PTPN4: variants seen among roughly 807,000 people sequenced by gnomAD.
The protein encoded by PTPN4 is protein tyrosine phosphatase non-receptor type 4, also known as tyrosine-protein phosphatase non-receptor type 4.
In PTPN4, 49 loss-of-function variants were observed where a neutral mutation model predicts 135.5. That is an observed-to-expected ratio of 0.36 (90% CI 0.29 to 0.46). PTPN4 has a LOEUF of 0.46. Among genes scored for constraint, PTPN4 ranks in the 20% least tolerant of loss-of-function variants. The pLI is 1.00. For synonymous variants in PTPN4, 333 were observed against 369.9 expected, an observed-to-expected ratio of 0.90 and a Z score of 1.14; for missense variants, 860 against 1,101.0, an observed-to-expected ratio of 0.78 and a Z score of 3.10.
intron 1 of PTPN4, among the ~76,000 whole-genome samples, chr2:119,789,304 AT>A (rs1691098796): frequency 6.6e-6 from 1 of 152,036 alleles, no homozygotes; most frequent in Non-Finnish European, 1.5e-5. Flanking sequence ...TATAGAAGTT[AT>A]TTATATATTC....
At chr2:119,803,820 A>T (rs188643370) in intron 1 of PTPN4, among the ~76,000 whole-genome samples, 21 of 145,858 alleles carry the variant, frequency 1.4e-4, no homozygotes, top group Admixed American at 1.3e-3. Context: ...GTATTTTTGC[A>T]GCTCTGTTGG....
At position 119,885,672 on chromosome 2, in the gene PTPN4, A is replaced by G. The variant is rs979110840; in HGVS notation, c.588-123A>G. ...AGATAAGTTAGAGGAGTAGTCCTGC[A>G]TGGTGTTTCATAGATTTAATTAGAC... On this transcript the variant is annotated intron_variant, in intron 8 of 26. Coordinates refer to ENST00000263708, the MANE Select transcript of PTPN4 (RefSeq NM_002830.4). 1.3e-4 allele frequency: 78 copies of G among 594,772 alleles called. No homozygotes were observed. The African/African-American group carries it at 1.4e-3, about 11-fold the overall frequency. 36.8% of individuals were successfully genotyped at this position (594,772 alleles called of 1,614,324 possible). A position where few individuals can be genotyped will look rare whatever the true frequency, so the allele number is the denominator to read the frequency against.
chr2:119,849,592 C>T lies in PTPN4; in HGVS notation c.139-12944C>T, dbSNP rs147231747. On this transcript the variant is annotated intron_variant, in intron 2 of 26. Transcript: ENST00000263708. The stretch of plus-strand genomic sequence containing the variant: ...TGTTGGGATTAGAGGTGTGAGCCAC[C>T]GCATCCAAGCAAACCGGACATTTTA... Among the ~76,000 whole-genome samples the T allele has an allele frequency of 6.2e-4, 95 of 152,276 alleles. 1 individual carries two copies. The highest frequency in any genetic ancestry group is 2.0e-3 in the African/African-American group (84 of 41,544).
chr2:119,875,517 C>T (rs1677971588), intron 3 of PTPN4, among the ~76,000 whole-genome samples: 1 of 151,838 alleles, frequency 6.6e-6, no homozygotes, highest in African/African-American at 2.4e-5. Flanking sequence ...ATATGAAGAA[C>T]AAAAATCACT....
intron 19 of PTPN4, 119 bp downstream of exon 19, chr2:119,952,248 A>G (rs1679221292): frequency 1.1e-6 from 1 of 921,662 alleles, no homozygotes; most frequent in Non-Finnish European, 1.6e-6. Context: ...CTCAAAGCAC[A>G]GTGGCTTTCA....
intron 15 of PTPN4, among the ~76,000 whole-genome samples, chr2:119,937,608 T>C (rs1679001707): frequency 6.6e-6 from 1 of 152,190 alleles, no homozygotes; most frequent in African/African-American, 2.4e-5. Context: ...TATAAGAAAA[T>C]TTAAAGCTCA....
chr2:119,975,322 C>T (rs1025575527), intron 26 of PTPN4, among the ~76,000 whole-genome samples: 4 of 152,130 alleles, frequency 2.6e-5, no homozygotes, highest in Non-Finnish European at 5.9e-5. Flanking sequence ...TGCTGTGTTG[C>T]CCATGCTGGT....
intron 1 of PTPN4, among the ~76,000 whole-genome samples, chr2:119,798,995 A>G (rs1486642388): frequency 1.3e-5 from 2 of 152,066 alleles, no homozygotes; most frequent in East Asian, 3.9e-4. Flanking sequence ...TTTGATGGCT[A>G]CTCCTCGGCT....
chr2:119,774,127 T>C (rs1202207467), intron 1 of PTPN4, among the ~76,000 whole-genome samples: 1 of 152,230 alleles, frequency 6.6e-6, no homozygotes, highest in Non-Finnish European at 1.5e-5. Flanking sequence ...AGTGATCTTT[T>C]GTGGTTCTTG....
At chr2:119,972,092 T>C (rs1013015009) in intron 26 of PTPN4, among the ~76,000 whole-genome samples, 15 of 152,220 alleles carry the variant, frequency 9.9e-5, no homozygotes, top group Admixed American at 4.6e-4. Flanking sequence ...GTAACTCTTT[T>C]TCATTTTCCA....
intron 10 of PTPN4, among the ~76,000 whole-genome samples, chr2:119,906,298 G>C (rs928022054): frequency 6.6e-6 from 1 of 152,078 alleles, no homozygotes; most frequent in Non-Finnish European, 1.5e-5. Flanking sequence ...GTGCTCAGGA[G>C]TTCATCCTGA....
intron 1 of PTPN4, among the ~76,000 whole-genome samples, chr2:119,786,799 G>GA (rs1691055787): frequency 6.6e-6 from 1 of 152,142 alleles, no homozygotes; most frequent in Non-Finnish European, 1.5e-5. Context: ...CAAAATTGTA[G>GA]AAAATTGTTG....
intron 3 of PTPN4, among the ~76,000 whole-genome samples, chr2:119,866,678 A>G (rs1677839626): frequency 1.3e-5 from 2 of 152,266 alleles, no homozygotes; most frequent in Non-Finnish European, 1.5e-5. Flanking sequence ...TTACCCTTTG[A>G]AGATTTCTTT....
chr2:119,960,055 A>G (rs1057113508), intron 22 of PTPN4, among the ~76,000 whole-genome samples: 15 of 152,270 alleles, frequency 9.9e-5, no homozygotes, highest in East Asian at 9.6e-4. Context: ...GAAGTTGCAT[A>G]TATGTTTATA....
chr2:119,818,773 G>T (rs948187528), intron 2 of PTPN4, among the ~76,000 whole-genome samples: 1 of 152,182 alleles, frequency 6.6e-6, no homozygotes, highest in African/African-American at 2.4e-5. Context: ...ATCTTATGGA[G>T]ATTAGTTTTA....
At chr2:119,800,071 G>A (rs567082748) in intron 1 of PTPN4, among the ~76,000 whole-genome samples, 13 of 152,236 alleles carry the variant, frequency 8.5e-5, no homozygotes, top group South Asian at 2.1e-4. Flanking sequence ...GGAAAAATGC[G>A]TAATGACTTC....
At chr2:119,796,515 A>G (rs149885199) in intron 1 of PTPN4, among the ~76,000 whole-genome samples, 15 of 152,180 alleles carry the variant, frequency 9.9e-5, no homozygotes, top group South Asian at 2.1e-4. Flanking sequence ...AGACTTGTCT[A>G]TGTTGTTGCA....
intron 25 of PTPN4, among the ~76,000 whole-genome samples, chr2:119,967,299 A>T (rs1163677479): frequency 6.6e-6 from 1 of 152,138 alleles, no homozygotes; most frequent in Non-Finnish European, 1.5e-5. Context: ...TACAAAAAAA[A>T]TTAGCCAGGT....
intron 5 of PTPN4, among the ~76,000 whole-genome samples, chr2:119,879,862 T>G (rs1001492638): frequency 6.6e-6 from 1 of 152,162 alleles, no homozygotes; most frequent in Admixed American, 6.5e-5. Flanking sequence ...CAGTAATTCT[T>G]TCTCAGTTTT....
Sources: allele counts gnomAD v4.1 joint callset (sites outside exome capture counted in the v4.1 genomes callset), GRCh38; gene constraint gnomAD v4.1.1; transcripts MANE v1.5; gene names NCBI Gene and HGNC (gene_info 2026-07-23, HGNC 2026-07-21).